CACNA1C: variants seen among roughly 807,000 people sequenced by gnomAD.
CACNA1C encodes the protein calcium voltage-gated channel subunit alpha1 C.
A neutral mutation model predicts 229.0 loss-of-function variants in CACNA1C; 30 were observed. That is an observed-to-expected ratio of 0.13 (90% CI 0.10 to 0.18). CACNA1C has a LOEUF of 0.18. CACNA1C is among the 10% of genes least tolerant of loss of function. The probability of loss-of-function intolerance (pLI) is 1.00; values close to 1 mark genes in which losing one functional copy is unlikely to be tolerated. For missense variants in CACNA1C, 1,658 were observed against 2,845.0 expected (o/e 0.58, Z 9.49); for synonymous variants, 1,114 against 1,132.5 (o/e 0.98, Z 0.33).
intron 3 of CACNA1C, among the ~76,000 whole-genome samples, chr12:2,260,918 A>AATCAACTT (rs1382720495): frequency 2.0e-5 from 3 of 152,202 alleles, no homozygotes; most frequent in African/African-American, 7.2e-5. Flanking sequence ...TTGTATTAGA[A>AATCAACTT]ATCAACTTAA....
chr12:2,495,293 A>G (rs1000529411), intron 7 of CACNA1C, among the ~76,000 whole-genome samples: 1 of 152,354 alleles, frequency 6.6e-6, no homozygotes, highest in East Asian at 1.9e-4. Flanking sequence ...AGCCAAGGAC[A>G]GAAACATCCT....
intron 3 of CACNA1C, among the ~76,000 whole-genome samples, chr12:2,250,664 C>T (rs1480853978): frequency 1.3e-5 from 2 of 152,288 alleles, no homozygotes; most frequent in East Asian, 3.9e-4. Context: ...ACCTCCCAAC[C>T]CCAGCCGGCC....
At chr12:2,496,610 C>T (rs1278523175) in intron 7 of CACNA1C, among the ~76,000 whole-genome samples, 4 of 148,074 alleles carry the variant, frequency 2.7e-5, no homozygotes, top group Non-Finnish European at 4.5e-5. Flanking sequence ...TATTGCATTC[C>T]ATTGTTAGAT....
At position 2,567,722 on chromosome 12, in the gene CACNA1C, C is replaced by T. The variant is rs757507674; in HGVS notation, c.1823C>T (p.Thr608Ile). The T allele has an allele frequency of 1.8e-5, 29 of 1,613,732 alleles. No homozygotes were observed. Among genetic ancestry groups the T allele is most frequent in the Non-Finnish European group, 2.5e-5 (29 of 1,179,780 alleles). The part of the protein sequence containing the change: ...GGILETILVE[T>I]KIMSPLGISV... ...ATCCTGGAGACCATCCTGGTGGAGA[C>T]CAAGATCATGTCCCCACTGGGCATC... The change falls in exon 13 of 47, where the codon ACC (threonine) becomes ATC (isoleucine). Residue 608 changes from threonine to isoleucine, a missense_variant. Thr to Ile is a moderately conservative substitution (Grantham distance 89). Transcript: ENST00000399655.
chr12:2,176,658 C>T (rs773719699), intron 3 of CACNA1C, among the ~76,000 whole-genome samples: 7 of 152,066 alleles, frequency 4.6e-5, no homozygotes, highest in African/African-American at 9.7e-5. Flanking sequence ...AACTCAATCC[C>T]GTCCTTTAAA....
At chr12:2,619,758 G>C (rs2082356996) in intron 29 of CACNA1C, among the ~76,000 whole-genome samples, 1 of 151,868 alleles carries the variant, frequency 6.6e-6, no homozygotes, top group Non-Finnish European at 1.5e-5. Context: ...TTAGTGTTTT[G>C]CTGCAGGCTA....
chr12:1,983,983 G>GT (rs1178754878), intron 1 of CACNA1C, among the ~76,000 whole-genome samples: 1 of 151,906 alleles, frequency 6.6e-6, no homozygotes, highest in Non-Finnish European at 1.5e-5. Flanking sequence ...ATGCAATGTC[G>GT]TTTTTTATCC....
intron 3 of CACNA1C, among the ~76,000 whole-genome samples, chr12:2,347,645 G>A (rs2097085246): frequency 6.6e-6 from 1 of 152,256 alleles, no homozygotes; most frequent in African/African-American, 2.4e-5. Context: ...GTGGGGGCCA[G>A]TCTCATAGCT....
chr12:2,089,007 C>T (rs1349437110), intron 1 of CACNA1C, among the ~76,000 whole-genome samples: 4 of 152,046 alleles, frequency 2.6e-5, no homozygotes, highest in African/African-American at 7.2e-5. Context: ...TCTGGGAGAC[C>T]CTGTGGGGCT....
rs1599645082 is a variant in CACNA1C at position 2,547,546 on chromosome 12, T to C, written c.1391-2397T>C. ...CATGGTAATGTTCCCCTGTGCTCTGTGTGTGTAAATGCGTGTGGGTGCATA... is the reference window on the plus strand; with the variant it reads ...CATGGTAATGTTCCCCTGTGCTCTGCGTGTGTAAATGCGTGTGGGTGCATA... On this transcript the variant is annotated intron_variant, in intron 9 of 46. Transcript: ENST00000399655. The C allele has an allele frequency of 5.1e-6, 4 of 779,218 alleles. No homozygotes were observed. In the Admixed American group the frequency reaches 6.8e-5, roughly 13 times the overall value. 48.3% of individuals were successfully genotyped at this position (779,218 alleles called of 1,614,324 possible). A position where few individuals can be genotyped will look rare whatever the true frequency, so the allele number is the denominator to read the frequency against.
intron 3 of CACNA1C, among the ~76,000 whole-genome samples, chr12:2,154,116 A>G (rs1025942907): frequency 8.5e-5 from 13 of 152,212 alleles, no homozygotes; most frequent in African/African-American, 3.1e-4. Context: ...AGGTCCACCC[A>G]GAGGAGTTCT....
At chr12:2,592,286 C>T (rs779102454) in intron 18 of CACNA1C, among the ~76,000 whole-genome samples, 17 of 152,154 alleles carry the variant, frequency 1.1e-4, no homozygotes, top group African/African-American at 3.1e-4. Flanking sequence ...ACTTACAGAG[C>T]GGCTGCTATG....
chr12:2,133,563 AC>A, intron 3 of CACNA1C, among the ~76,000 whole-genome samples: 1 of 24,028 alleles, frequency 4.2e-5, no homozygotes. Context: ...TTCGTTATGT[AC>A]CCAGTAGTCA....
At chr12:2,401,601 T>C (rs1258351416) in intron 3 of CACNA1C, among the ~76,000 whole-genome samples, 1 of 152,232 alleles carries the variant, frequency 6.6e-6, no homozygotes, top group Non-Finnish European at 1.5e-5. Flanking sequence ...AGAGCCAGAC[T>C]GGCTGGTGTG....
rs182852202 is a variant in CACNA1C at position 2,160,500 on chromosome 12, T to C, written c.477+40070T>C. On this transcript the variant is annotated intron_variant, in intron 3 of 46. Transcript: ENST00000399655. The stretch of plus-strand genomic sequence containing the variant: ...CCCAGTTCCCTGTTGTTTCCACTTT[T>C]GCTACCTGAAATCTAATGATTTGAG... Among the ~76,000 whole-genome samples, 119 of 152,354 alleles carry C rather than the reference T, an allele frequency of 7.8e-4. 1 individual carries two copies. Among genetic ancestry groups the C allele is most frequent in the Non-Finnish European group, 3.4e-4 (23 of 68,022 alleles).
chr12:2,339,817 C>T (rs2096808521), intron 3 of CACNA1C, among the ~76,000 whole-genome samples: 2 of 152,060 alleles, frequency 1.3e-5, no homozygotes, highest in Non-Finnish European at 2.9e-5. Flanking sequence ...GACTGTCGTA[C>T]ATAGTCATTA....
rs377534958 is a variant in CACNA1C, at chr12:2,115,561, C to T, written c.371+16C>T. ...TCGAATGGAAATATCCTTTGTTCACCGGGCTGGGCATGCTCCTGGGACCTG... is the reference window on the plus strand; with the variant it reads ...TCGAATGGAAATATCCTTTGTTCACTGGGCTGGGCATGCTCCTGGGACCTG... On this transcript the variant is annotated intron_variant, in intron 2 of 46. Transcript: ENST00000399655. 137 of 1,611,918 alleles carry T rather than the reference C, an allele frequency of 8.5e-5. 1 individual carries two copies. In the South Asian group the frequency reaches 1.1e-3, roughly 13 times the overall value.
At chr12:2,308,454 T>C (rs1044165575) in intron 3 of CACNA1C, among the ~76,000 whole-genome samples, 1 of 152,240 alleles carries the variant, frequency 6.6e-6, no homozygotes, top group African/African-American at 2.4e-5. Context: ...CTTTCTCCAT[T>C]GTGTATTCTT....
At chr12:2,635,867 T>A (rs2092551707) in intron 30 of CACNA1C, among the ~76,000 whole-genome samples, 1 of 152,162 alleles carries the variant, frequency 6.6e-6, no homozygotes, top group Non-Finnish European at 1.5e-5. Context: ...TGTGTGTATG[T>A]GTGTGAGTGT....
Sources: allele counts gnomAD v4.1 joint callset (sites outside exome capture counted in the v4.1 genomes callset), GRCh38; gene constraint gnomAD v4.1.1; transcripts MANE v1.5; gene names NCBI Gene and HGNC (gene_info 2026-07-23, HGNC 2026-07-21).